Variants in UTP18 observed in about 807,000 individuals in gnomAD.
UTP18 encodes U3 small nucleolar RNA-associated protein 18 homolog.
UTP18 carries 36 observed loss-of-function variants against 61.1 expected under a neutral mutation model. The ratio of observed to expected loss-of-function variants is 0.59; its 90% confidence interval spans 0.45 to 0.78. UTP18 has a LOEUF of 0.78. Among genes scored for constraint, UTP18 ranks in the 30% least tolerant of loss-of-function variants. The pLI, the probability that UTP18 is intolerant of heterozygous loss-of-function variation, is 0.00. For synonymous variants in UTP18, 282 were observed against 251.1 expected (o/e 1.12, Z -1.16); for missense variants, 753 against 693.9 (o/e 1.09, Z -0.96).
intron 2 of UTP18, among the ~76,000 whole-genome samples, chr17:51,265,266 C>CTT (rs1055221855): frequency 3.6e-5 from 5 of 140,058 alleles, no homozygotes; most frequent in Non-Finnish European, 4.7e-5. Context: ...AAGGTTTGCT[C>CTT]TTTTTTTTTT....
intron 4 of UTP18, among the ~76,000 whole-genome samples, chr17:51,271,150 G>A (rs1019242790): frequency 7.2e-5 from 11 of 152,046 alleles, no homozygotes; most frequent in African/African-American, 2.4e-4. Context: ...ATTTTAGCTT[G>A]CTTTGTATTT....
chr17:51,281,724 G>C (rs182751651), intron 9 of UTP18, among the ~76,000 whole-genome samples: 1 of 152,146 alleles, frequency 6.6e-6, no homozygotes, highest in Admixed American at 6.5e-5. Flanking sequence ...TTAACATTGG[G>C]GGGGAACTGG....
At chr17:51,282,359 T>C (rs2144426510) in intron 9 of UTP18, among the ~76,000 whole-genome samples, 1 of 152,314 alleles carries the variant, frequency 6.6e-6, no homozygotes, top group South Asian at 2.1e-4. Flanking sequence ...AATCAGACTT[T>C]CACAAGGTTA....
intron 10 of UTP18, chr17:51,286,373 T>G: frequency 2.4e-6 from 1 of 422,880 alleles, no homozygotes; most frequent in Non-Finnish European, 4.8e-6. Context: ...CAAACACAAT[T>G]GAGCCATGAA....
Position 51,260,615 on chromosome 17 carries a change from CTG to C in UTP18, c.32_33del (p.Leu11ArgfsTer108). On this transcript the variant is annotated frameshift_variant, in exon 1 of 14. Transcript: ENST00000225298. LOFTEE classifies it high-confidence loss of function. The part of the protein sequence containing the change: MPPERRRRMK[L>X]DRRTGAKPKR... ...GCCGGAGCGGAGGAGACGAATGAAA[CTG>C]GACCGGAGAACCGGAGCGAAGCCGA... 6.2e-7 allele frequency: 1 copy of C among 1,612,724 alleles called. No homozygotes were observed. The highest frequency in any genetic ancestry group is 8.5e-7 in the Non-Finnish European group (1 of 1,179,716).
chr17:51,285,168 G>T, intron 9 of UTP18, 77 bp from the exon 10 acceptor site: 1 of 1,541,156 alleles, frequency 6.5e-7, no homozygotes, highest in Non-Finnish European at 8.9e-7. Flanking sequence ...TGTTAAGAGG[G>T]ACTGAGAGTG....
intron 11 of UTP18, among the ~76,000 whole-genome samples, chr17:51,289,737 G>T (rs1434619527): frequency 1.3e-5 from 2 of 152,186 alleles, no homozygotes; most frequent in Non-Finnish European, 2.9e-5. Context: ...CAGATTGTAC[G>T]CACTTTACAA....
chr17:51,268,788 G>T, intron 3 of UTP18, 49 bp from the exon 4 acceptor site: 1 of 1,487,450 alleles, frequency 6.7e-7, no homozygotes, highest in East Asian at 2.3e-5. Flanking sequence ...CAAGCTTTAT[G>T]GACATGTAGT....
In UTP18 at chr17:51,283,617, A is replaced by AT. The variant is rs34103760; in HGVS notation, c.1205-1613dup. On this transcript the variant is annotated intron_variant, in intron 9 of 13. Transcript: ENST00000225298. ...TGGTTTTGTCTTTGTTTACTCATGG[A>AT]TTTTTTTTTTTTTTTGGAGACAGCA... 6.4e-3 allele frequency among the ~76,000 whole-genome samples: 886 copies of AT among 138,506 alleles called. 15 individuals are homozygous for AT. The highest frequency in any genetic ancestry group is 0.016 in the Middle Eastern group (4 of 250). 90.9% of individuals were successfully genotyped at this position (138,506 alleles called of 152,430 possible). A position where few individuals can be genotyped will look rare whatever the true frequency, so the allele number is the denominator to read the frequency against.
At chr17:51,282,299 A>G (rs551528638) in intron 9 of UTP18, among the ~76,000 whole-genome samples, 1 of 152,342 alleles carries the variant, frequency 6.6e-6, no homozygotes, top group East Asian at 1.9e-4. Context: ...TAACTTTTAA[A>G]AAGGATTAAT....
chr17:51,264,984 C>G (rs990514165), intron 2 of UTP18, among the ~76,000 whole-genome samples: 1 of 151,978 alleles, frequency 6.6e-6, no homozygotes, highest in Non-Finnish European at 1.5e-5. Context: ...CACCTGGCCT[C>G]GTTTCTTATA....
intron 12 of UTP18, among the ~76,000 whole-genome samples, chr17:51,294,648 C>T (rs1035846282): frequency 1.8e-4 from 27 of 151,912 alleles, no homozygotes; most frequent in Admixed American, 3.9e-4. Flanking sequence ...TGAATAGTGC[C>T]GCATCAATAA....
At chr17:51,266,686 C>A (rs1002219297) in intron 3 of UTP18, among the ~76,000 whole-genome samples, 1 of 152,032 alleles carries the variant, frequency 6.6e-6, no homozygotes, top group Non-Finnish European at 1.5e-5. Context: ...ACAGATAATG[C>A]GACACTTAAC....
At chr17:51,291,027 C>T (rs935314366) in intron 11 of UTP18, among the ~76,000 whole-genome samples, 1 of 152,088 alleles carries the variant, frequency 6.6e-6, no homozygotes, top group African/African-American at 2.4e-5. Context: ...AACTTTCTAC[C>T]CATTAAATCA....
intron 7 of UTP18, among the ~76,000 whole-genome samples, chr17:51,278,944 C>A (rs960818773): frequency 2.6e-5 from 4 of 152,108 alleles, no homozygotes; most frequent in African/African-American, 7.2e-5. Context: ...AAGATGTAGT[C>A]TTTGGGAGAC....
chr17:51,276,889 T>A (rs1269294396), intron 6 of UTP18, among the ~76,000 whole-genome samples: 2 of 152,186 alleles, frequency 1.3e-5, no homozygotes, highest in African/African-American at 2.4e-5. Context: ...GCACGCCACC[T>A]CCTCAGCACC....
Position 51,260,850 on chromosome 17 carries a change from G to A in UTP18, c.266G>A (p.Arg89Gln). The A allele has an allele frequency of 1.9e-6, 3 of 1,600,672 alleles. No individual in the cohort carries two copies. Among genetic ancestry groups the A allele is most frequent in the Non-Finnish European group, 1.7e-6 (2 of 1,174,516 alleles). Residue 89 changes from arginine (R) to glutamine (Q), a missense_variant, in exon 1 of 14, where the codon CGG (arginine) becomes CAG (glutamine). Coordinates refer to ENST00000225298, the MANE Select transcript of UTP18 (RefSeq NM_016001.3). ...GAGGAGGACAAACCGGCCGTGGAGC[G>A]GTGCTTGGAGGAGCTGGTCTTCGGC... The part of the protein sequence containing the change: ...RLEEDKPAVE[R>Q]CLEELVFGDV...
In UTP18 at chr17:51,294,046, G is replaced by A; in HGVS notation, c.1646+1G>A. The A allele has an allele frequency of 6.3e-7, 1 of 1,583,986 alleles. No individual in the cohort carries two copies. The highest frequency in any genetic ancestry group is 8.6e-7 in the Non-Finnish European group (1 of 1,169,426). On this transcript the variant is annotated splice_donor_variant, in intron 12 of 13. Transcript: ENST00000225298. LOFTEE classifies it high-confidence loss of function. The stretch of plus-strand genomic sequence containing the variant: ...AAAAGGGCAAGGCCCTGATGTATAG[G>A]TAGGTATTATTTATGTTTAAAAGTC...
At chr17:51,292,071 C>T (rs1181470972) in intron 11 of UTP18, among the ~76,000 whole-genome samples, 1 of 152,140 alleles carries the variant, frequency 6.6e-6, no homozygotes, top group African/African-American at 2.4e-5. Context: ...CACAGTTAAG[C>T]CAAGGTACTT....
Sources: allele counts gnomAD v4.1 joint callset (sites outside exome capture counted in the v4.1 genomes callset), GRCh38; gene constraint gnomAD v4.1.1; transcripts MANE v1.5; gene names NCBI Gene and HGNC (gene_info 2026-07-23, HGNC 2026-07-21).